Variants in TMEM132D observed in about 807,000 individuals in gnomAD.
The protein encoded by TMEM132D is transmembrane protein 132D.
A neutral mutation model predicts 62.3 loss-of-function variants in TMEM132D; 21 were observed. The ratio of observed to expected loss-of-function variants is 0.34; its 90% CI spans 0.24 to 0.49. The LOEUF (loss-of-function observed/expected upper bound fraction) is 0.49, where lower values mean the gene tolerates loss of function less well. TMEM132D is among the 20% of genes least tolerant of loss of function. The pLI is 0.99. For synonymous variants in TMEM132D, 621 were observed against 575.6 expected (o/e 1.08, Z -1.13); for missense variants, 1,346 against 1,402.8 (o/e 0.96, Z 0.65).
intron 4 of TMEM132D, among the ~76,000 whole-genome samples, chr12:129,272,789 G>C (rs867982656): frequency 1.3e-5 from 2 of 151,844 alleles, no homozygotes; most frequent in African/African-American, 4.9e-5. Flanking sequence ...GGCCAGGCAC[G>C]GCGGCTCACG....
intron 2 of TMEM132D, among the ~76,000 whole-genome samples, chr12:129,596,800 A>G (rs1254881191): frequency 6.6e-6 from 1 of 151,124 alleles, no homozygotes; most frequent in Non-Finnish European, 1.5e-5. Flanking sequence ...GTTTGAATGT[A>G]CCCATCACCC....
intron 1 of TMEM132D, among the ~76,000 whole-genome samples, chr12:129,902,345 A>G (rs1201889386): frequency 1.3e-5 from 2 of 151,954 alleles, no homozygotes; most frequent in Non-Finnish European, 2.9e-5. Context: ...GAGACGCTTC[A>G]CTCTCCTCCC....
chr12:129,697,902 TAC>T (rs36080799), intron 2 of TMEM132D, among the ~76,000 whole-genome samples: 67 of 143,008 alleles, frequency 4.7e-4, no homozygotes, highest in South Asian at 9.7e-4. Flanking sequence ...CATCACTGCT[TAC>T]ACACACACAC....
At chr12:129,103,072 C>T (rs1361828976) in intron 5 of TMEM132D, among the ~76,000 whole-genome samples, 1 of 152,182 alleles carries the variant, frequency 6.6e-6, no homozygotes, top group East Asian at 1.9e-4. Flanking sequence ...CAAATCCACC[C>T]TTCCATGCTC....
At chr12:129,493,023 G>T (rs1204629740) in intron 3 of TMEM132D, among the ~76,000 whole-genome samples, 26 of 152,172 alleles carry the variant, frequency 1.7e-4, no homozygotes, top group Non-Finnish European at 5.9e-5. Flanking sequence ...GGAATTCTCA[G>T]CTCGGAAATA....
chr12:129,561,191 A>C (rs1877216981), intron 2 of TMEM132D, among the ~76,000 whole-genome samples: 1 of 152,204 alleles, frequency 6.6e-6, no homozygotes, highest in South Asian at 2.1e-4. Flanking sequence ...CATGTCTGTA[A>C]GAGTCTATGA....
At chr12:129,136,022 C>G (rs117124249) in intron 5 of TMEM132D, among the ~76,000 whole-genome samples, 1 of 152,086 alleles carries the variant, frequency 6.6e-6, no homozygotes, top group African/African-American at 2.4e-5. Flanking sequence ...CTTTAAAATA[C>G]GAATTTTGGG....
At chr12:129,741,355 T>C (rs1389598796) in intron 1 of TMEM132D, among the ~76,000 whole-genome samples, 1 of 152,224 alleles carries the variant, frequency 6.6e-6, no homozygotes, top group Non-Finnish European at 1.5e-5. Flanking sequence ...TTGGACGTGT[T>C]AATCTATGAA....
intron 1 of TMEM132D, among the ~76,000 whole-genome samples, chr12:129,862,143 T>C (rs966141589): frequency 2.6e-5 from 4 of 152,202 alleles, no homozygotes; most frequent in African/African-American, 7.2e-5. Flanking sequence ...TGTGATACTC[T>C]TTCTCCTTTG....
chr12:129,692,357 T>C lies in TMEM132D; in HGVS notation c.968+7453A>G, dbSNP rs192227222. On this transcript the variant is annotated intron_variant, in intron 2 of 8. Coordinates refer to ENST00000422113, the MANE Select transcript of TMEM132D (RefSeq NM_133448.3). ...AGATCGTATGATTATGTCAACGGCA[T>C]AGGAAAGAAACTGCCCACTTTTCAA... Among the ~76,000 whole-genome samples the C allele has an allele frequency of 3.9e-5, 6 of 152,332 alleles. No individual in the cohort carries two copies. The East Asian group carries it at 9.7e-4, about 25-fold the overall frequency.
intron 4 of TMEM132D, among the ~76,000 whole-genome samples, chr12:129,233,730 G>A (rs1001079737): frequency 1.3e-5 from 2 of 152,058 alleles, no homozygotes; most frequent in African/African-American, 2.4e-5. Flanking sequence ...AGTTTCAAGC[G>A]ATTCTCCTGC....
At position 129,078,645 on chromosome 12, in the gene TMEM132D, G is replaced by T. The variant is rs151125221; in HGVS notation, c.2004C>A (p.Leu668=). ...ACAGCCCTGTCACCAGCTGCACCCC[G>T]AGGTCTGTGATGGTCACCTTCTCGT... ...VLDEKVTITD[L]GVQLVTGLSL... is the part of the protein sequence containing the mutation. Residue 668 remains leucine (L), a synonymous_variant, in exon 8 of 9, where the codon CTC becomes CTA. Coordinates refer to ENST00000422113, the MANE Select transcript of TMEM132D (RefSeq NM_133448.3). 6.2e-7 allele frequency: 1 copy of T among 1,614,054 alleles called. No homozygotes were observed. Among genetic ancestry groups the T allele is most frequent in the Non-Finnish European group, 8.5e-7 (1 of 1,180,044 alleles).
chr12:129,564,682 A>G (rs1877320516), intron 2 of TMEM132D, among the ~76,000 whole-genome samples: 1 of 152,238 alleles, frequency 6.6e-6, no homozygotes, highest in Non-Finnish European at 1.5e-5. Flanking sequence ...GGGATTCTCA[A>G]TGAAATATCT....
At chr12:129,879,860 T>C (rs145890246) in intron 1 of TMEM132D, among the ~76,000 whole-genome samples, 34 of 152,140 alleles carry the variant, frequency 2.2e-4, no homozygotes, top group African/African-American at 6.5e-4. Context: ...GAACAGAGCA[T>C]TGAAGACCCT....
chr12:129,782,504 A>T (rs1437219102), intron 1 of TMEM132D, among the ~76,000 whole-genome samples: 11 of 152,246 alleles, frequency 7.2e-5, no homozygotes, highest in Non-Finnish European at 1.5e-4. Context: ...TATCATGAGA[A>T]TTAAGTAGCA....
chr12:129,623,651 G>GTA (rs1251611706), intron 2 of TMEM132D, among the ~76,000 whole-genome samples: 48 of 144,070 alleles, frequency 3.3e-4, no homozygotes, highest in Middle Eastern at 3.7e-3. Flanking sequence ...GTGTATGTGT[G>GTA]TATATATATA....
chr12:129,486,888 G>A (rs1874597201), intron 3 of TMEM132D, among the ~76,000 whole-genome samples: 1 of 152,136 alleles, frequency 6.6e-6, no homozygotes, highest in African/African-American at 2.4e-5. Context: ...ACAAAAAAAA[G>A]TAAGTCCTTG....
At chr12:129,478,074 A>G (rs1386416813) in intron 3 of TMEM132D, among the ~76,000 whole-genome samples, 2 of 152,224 alleles carry the variant, frequency 1.3e-5, no homozygotes, top group Non-Finnish European at 2.9e-5. Context: ...ACAGTAGGCA[A>G]CACAATGATA....
intron 2 of TMEM132D, among the ~76,000 whole-genome samples, chr12:129,695,851 C>T (rs927738178): frequency 6.6e-6 from 1 of 152,206 alleles, no homozygotes; most frequent in Non-Finnish European, 1.5e-5. Context: ...CACGCAGCCA[C>T]CAACCTCCAT....
Sources: allele counts gnomAD v4.1 joint callset (sites outside exome capture counted in the v4.1 genomes callset), GRCh38; gene constraint gnomAD v4.1.1; transcripts MANE v1.5; gene names NCBI Gene and HGNC (gene_info 2026-07-23, HGNC 2026-07-21).